METTL25: variants seen among roughly 807,000 people sequenced by gnomAD.
The protein encoded by METTL25 is methyltransferase like 25, also known as probable methyltransferase-like protein 25.
A neutral mutation model predicts 71.6 loss-of-function variants in METTL25; 64 were observed. The observed-to-expected ratio is 0.89, with a 90% confidence interval of 0.73 to 1.10. METTL25 has a LOEUF of 1.10. Ranked by LOEUF, METTL25 falls within the 50% of genes least tolerant of loss-of-function variation. The pLI is 0.00. For synonymous variants in METTL25, 287 were observed against 250.3 expected (o/e 1.15, Z -1.38); for missense variants, 807 against 707.0 (o/e 1.14, Z -1.60).
At chr12:82,384,700 T>C (rs1236908151) in intron 1 of METTL25, among the ~76,000 whole-genome samples, 1 of 152,152 alleles carries the variant, frequency 6.6e-6, no homozygotes, top group Non-Finnish European at 1.5e-5. Context: ...TAAAGGAAAT[T>C]AACAGCATTT....
rs564032164 is a variant in METTL25 at position 82,388,787 on chromosome 12, A to C, written c.425-1029A>C. 2.6e-5 allele frequency: 4 copies of C among 152,208 alleles called. No individual in the cohort carries two copies. In the South Asian group the frequency reaches 6.2e-4, roughly 24 times the overall value. 9.4% of individuals were successfully genotyped at this position (152,208 alleles called of 1,614,324 possible). On this transcript the variant is annotated intron_variant, in intron 2 of 11. Transcript: ENST00000248306. ...TATTCCCCATCCTGGAGTAATCAGC[A>C]TATTTGTTTACTAGGTTAGTATCTG...
At chr12:82,389,150 G>A (rs1788580181) in intron 2 of METTL25, among the ~76,000 whole-genome samples, 1 of 152,070 alleles carries the variant, frequency 6.6e-6, no homozygotes, top group Admixed American at 6.6e-5. Flanking sequence ...ATAATGTGTA[G>A]CATACAGTGT....
At chr12:82,406,260 T>A (rs1473068012) in intron 5 of METTL25, among the ~76,000 whole-genome samples, 1 of 152,172 alleles carries the variant, frequency 6.6e-6, no homozygotes, top group African/African-American at 2.4e-5. Context: ...AGTAATTTTT[T>A]AAAAACATTG....
chr12:82,439,776 T>G (rs773572890), intron 8 of METTL25: 119 of 591,352 alleles, frequency 2.0e-4, no homozygotes, highest in Non-Finnish European at 2.4e-4. Flanking sequence ...GATGCTAACC[T>G]TGTTGAAAAA....
chr12:82,472,062 T>C (rs1892602199), intron 9 of METTL25, among the ~76,000 whole-genome samples: 2 of 152,188 alleles, frequency 1.3e-5, no homozygotes, highest in Non-Finnish European at 2.9e-5. Context: ...TGAGACGCAG[T>C]TGAGATTCCA....
chr12:82,460,292 A>G (rs1891776346), intron 9 of METTL25, among the ~76,000 whole-genome samples: 3 of 152,240 alleles, frequency 2.0e-5, no homozygotes, highest in Admixed American at 2.0e-4. Context: ...CAAATGTCCT[A>G]TGGAAAAGAG....
intron 1 of METTL25, among the ~76,000 whole-genome samples, chr12:82,367,072 TG>T (rs1302262329): frequency 6.6e-6 from 1 of 152,190 alleles, no homozygotes; most frequent in African/African-American, 2.4e-5. Flanking sequence ...AACTTAAATT[TG>T]TTTTCTAATT....
chr12:82,370,141 C>T (rs1296022658), intron 1 of METTL25, among the ~76,000 whole-genome samples: 2 of 152,156 alleles, frequency 1.3e-5, no homozygotes, highest in African/African-American at 4.8e-5. Flanking sequence ...AGAAGGAGCC[C>T]TGCAGTTGTA....
At chr12:82,449,505 ATTC>A (rs1293296590) in intron 8 of METTL25, among the ~76,000 whole-genome samples, 1 of 152,056 alleles carries the variant, frequency 6.6e-6, no homozygotes, top group Non-Finnish European at 1.5e-5. Flanking sequence ...TACCTGGAAT[ATTC>A]TTCTCCCTAT....
chr12:82,398,288 T>TG (rs1886263831), intron 3 of METTL25, among the ~76,000 whole-genome samples: 1 of 151,830 alleles, frequency 6.6e-6, no homozygotes, highest in Non-Finnish European at 1.5e-5. Context: ...CTTGCTATAT[T>TG]GGCCAGGGCA....
chr12:82,461,467 G>A (rs1409822820), intron 9 of METTL25, among the ~76,000 whole-genome samples: 1 of 152,092 alleles, frequency 6.6e-6, no homozygotes, highest in African/African-American at 2.4e-5. Context: ...AGGAAACTGG[G>A]GAAGAAGAAT....
intron 3 of METTL25, among the ~76,000 whole-genome samples, chr12:82,396,222 C>G (rs957080300): frequency 1.3e-5 from 2 of 152,080 alleles, no homozygotes; most frequent in African/African-American, 2.4e-5. Flanking sequence ...TTTCTCAGAA[C>G]ATATTCCCAT....
At chr12:82,366,168 A>C (rs1592580922) in intron 1 of METTL25, among the ~76,000 whole-genome samples, 1 of 152,240 alleles carries the variant, frequency 6.6e-6, no homozygotes, top group East Asian at 1.9e-4. Flanking sequence ...CTATCCTAAC[A>C]AATGAGTGTT....
chr12:82,452,417 C>A (rs1022692575), intron 8 of METTL25, among the ~76,000 whole-genome samples: 15 of 152,148 alleles, frequency 9.9e-5, no homozygotes, highest in Admixed American at 7.2e-4. Flanking sequence ...GCAGGAGAAT[C>A]ACTTGAGCCA....
intron 5 of METTL25, among the ~76,000 whole-genome samples, chr12:82,416,656 A>T (rs1888012449): frequency 6.6e-6 from 1 of 151,736 alleles, no homozygotes; most frequent in African/African-American, 2.4e-5. Context: ...TGTCATAAAG[A>T]CAGGGTTTCA....
intron 1 of METTL25, among the ~76,000 whole-genome samples, chr12:82,382,363 G>A (rs1039913356): frequency 3.9e-5 from 6 of 152,046 alleles, no homozygotes; most frequent in Admixed American, 2.0e-4. Flanking sequence ...ACATAATTGC[G>A]TTTTACTTTA....
intron 7 of METTL25, among the ~76,000 whole-genome samples, chr12:82,435,600 G>T (rs2137168728): frequency 6.6e-6 from 1 of 151,350 alleles, no homozygotes; most frequent in East Asian, 1.9e-4. Context: ...TTTGCATCAT[G>T]TCTTTATCAC....
chr12:82,430,182 C>T (rs959294814), intron 5 of METTL25, among the ~76,000 whole-genome samples: 4 of 148,962 alleles, frequency 2.7e-5, no homozygotes, highest in African/African-American at 7.4e-5. Flanking sequence ...ATAGAAATTG[C>T]TTTTTTTTTC....
At position 82,384,282 on chromosome 12, in the gene METTL25, G is replaced by A. The variant is rs1343386960; in HGVS notation, c.260-2521G>A. ...AGCGATTATACAAGTACCTAGGGAA[G>A]AACTGTGAGGAATATATGTATGTAT... On this transcript the variant is annotated intron_variant, in intron 1 of 11. Coordinates refer to ENST00000248306, the MANE Select transcript of METTL25 (RefSeq NM_032230.3). Among the ~76,000 whole-genome samples the A allele has an allele frequency of 3.9e-5, 6 of 152,078 alleles. No individual in the cohort carries two copies. In the South Asian group the frequency reaches 1.2e-3, roughly 32 times the overall value.
Sources: gnomAD v4.1 joint callset for allele counts (sites outside exome capture counted in the v4.1 genomes callset) on GRCh38, gnomAD v4.1.1 for gene constraint, MANE v1.5 for transcripts, NCBI Gene and HGNC (gene_info 2026-07-23, HGNC 2026-07-21) for gene names.